Variants in MAD1L1 observed in about 807,000 individuals in gnomAD.
MAD1L1 encodes the protein mitotic spindle assembly checkpoint protein MAD1.
A neutral mutation model predicts 96.9 loss-of-function variants in MAD1L1; 95 were observed. That is an observed-to-expected ratio of 0.98 (90% confidence interval 0.83 to 1.16). The LOEUF (loss-of-function observed/expected upper bound fraction) is 1.16. Among genes scored for constraint, MAD1L1 ranks in the 50% most tolerant of loss-of-function variants. The probability of loss-of-function intolerance (pLI) is 0.00; values close to 1 mark genes in which losing one functional copy is unlikely to be tolerated. For missense variants in MAD1L1, 1,007 were observed against 954.4 expected (o/e 1.06, Z -0.73); for synonymous variants, 473 against 396.6 (o/e 1.19, Z -2.29).
chr7:1,897,987 G>A (rs1005148867), intron 18 of MAD1L1: 1 of 598,706 alleles, frequency 1.7e-6, no homozygotes, highest in Admixed American at 2.9e-5. Context: ...GCACCCAGGA[G>A]GTCCAGGGCT....
chr7:1,835,910 C>T (rs1782915992), intron 18 of MAD1L1, among the ~76,000 whole-genome samples: 1 of 152,208 alleles, frequency 6.6e-6, no homozygotes, highest in Non-Finnish European at 1.5e-5. Context: ...GGGGAAATTC[C>T]TGACATTGCC....
intron 9 of MAD1L1, among the ~76,000 whole-genome samples, chr7:2,213,688 C>T (rs537441299): frequency 2.2e-4 from 34 of 152,318 alleles, no homozygotes; most frequent in African/African-American, 8.2e-4. Context: ...CTGGAGCAGA[C>T]AGACTCAGTC....
chr7:2,145,137 C>T (rs1340652889), intron 11 of MAD1L1, among the ~76,000 whole-genome samples: 1 of 152,192 alleles, frequency 6.6e-6, no homozygotes, highest in Non-Finnish European at 1.5e-5. Flanking sequence ...CAGCCAGCCC[C>T]GGACCCTTCG....
chr7:2,222,987 A>G (rs75094777), intron 4 of MAD1L1, among the ~76,000 whole-genome samples: 2,711 of 152,336 alleles, frequency 0.018, 37 homozygotes, highest in Non-Finnish European at 0.028. Context: ...GCTCCCAGGA[A>G]GGGCACTTGG....
At chr7:1,893,123 G>A (rs1241481250) in intron 18 of MAD1L1, among the ~76,000 whole-genome samples, 1 of 152,200 alleles carries the variant, frequency 6.6e-6, no homozygotes, top group Non-Finnish European at 1.5e-5. Flanking sequence ...CCCCTCTCAG[G>A]AGGGAGAGGA....
chr7:2,150,952 C>G lies in MAD1L1; in HGVS notation c.987-1714G>C, dbSNP rs200947667. On this transcript the variant is annotated intron_variant, in intron 10 of 18. Coordinates refer to ENST00000265854, the MANE Select transcript of MAD1L1 (RefSeq NM_001013836.2). ...TCTGTCCTCACACACACAGGCAAACCGGGGTTAGAAAGCAGCTCCGTGGAA... is the reference window on the plus strand; with the variant it reads ...TCTGTCCTCACACACACAGGCAAACGGGGGTTAGAAAGCAGCTCCGTGGAA... 1.9e-4 allele frequency among the ~76,000 whole-genome samples: 29 copies of G among 152,324 alleles called. No individual in the cohort carries two copies. The East Asian group carries it at 5.6e-3, about 29-fold the overall frequency.
chr7:1,862,015 A>G (rs540127385), intron 18 of MAD1L1, among the ~76,000 whole-genome samples: 4 of 152,150 alleles, frequency 2.6e-5, no homozygotes, highest in Admixed American at 2.0e-4. Flanking sequence ...GGGGACGCAG[A>G]GTGACTAGAG....
intron 18 of MAD1L1, among the ~76,000 whole-genome samples, chr7:1,874,302 C>A (rs1583622640): frequency 6.6e-6 from 1 of 152,138 alleles, no homozygotes; most frequent in East Asian, 1.9e-4. Flanking sequence ...CACGGCCAGG[C>A]TGGGCCACAG....
intron 11 of MAD1L1, among the ~76,000 whole-genome samples, chr7:2,140,635 C>A (rs1442540378): frequency 6.6e-6 from 1 of 152,244 alleles, no homozygotes; most frequent in Non-Finnish European, 1.5e-5. Context: ...CAGCACGAGG[C>A]CAGGCCCCCG....
intron 15 of MAD1L1, among the ~76,000 whole-genome samples, chr7:1,964,647 C>A (rs773383050): frequency 1.3e-5 from 2 of 152,170 alleles, no homozygotes; most frequent in African/African-American, 2.4e-5. Flanking sequence ...ACACGAGGAG[C>A]GCTACATAAA....
At chr7:2,025,152 T>A (rs540966183) in intron 12 of MAD1L1, among the ~76,000 whole-genome samples, 1 of 152,246 alleles carries the variant, frequency 6.6e-6, no homozygotes, top group Non-Finnish European at 1.5e-5. Flanking sequence ...GAGAGCTCTA[T>A]GCTGTCTTCT....
chr7:2,037,726 G>A (rs1008430753), intron 12 of MAD1L1, among the ~76,000 whole-genome samples: 3 of 152,018 alleles, frequency 2.0e-5, no homozygotes, highest in Admixed American at 2.0e-4. Flanking sequence ...AAGCTTCACC[G>A]ACCAACGCTG....
chr7:2,026,281 A>G (rs951586640), intron 12 of MAD1L1, among the ~76,000 whole-genome samples: 1 of 152,230 alleles, frequency 6.6e-6, no homozygotes, highest in Non-Finnish European at 1.5e-5. Context: ...TTCACAATTT[A>G]TATGTGCCTA....
At position 2,082,566 on chromosome 7, in the gene MAD1L1, T is replaced by C. The variant is rs571603054; in HGVS notation, c.1074-13228A>G. Among the ~76,000 whole-genome samples the C allele has an allele frequency of 7.0e-4, 106 of 152,274 alleles. 2 individuals are homozygous for C. The South Asian group carries it at 0.021, about 30-fold the overall frequency. On this transcript the variant is annotated intron_variant, in intron 11 of 18. Coordinates refer to ENST00000265854, the MANE Select transcript of MAD1L1 (RefSeq NM_001013836.2). ...GGTCTGGTGTGGGAGTGCAGCACTC[T>C]AGAGAGGCAGCAGGCCAAGTGGAAG...
In MAD1L1 at chr7:2,225,553, G is replaced by A. The variant is rs775162493; in HGVS notation, c.151-3C>T. 14 of 1,612,988 alleles carry A rather than the reference G, an allele frequency of 8.7e-6. No individual in the cohort carries two copies. The East Asian group carries it at 2.7e-4, about 31-fold the overall frequency. On this transcript the variant is annotated splice_polypyrimidine_tract_variant and splice_region_variant and intron_variant, in intron 3 of 18. Transcript: ENST00000265854. ...ATCTGCTCTGCTCTTTCCTCCAGCT[G>A]AGCAGGTCGCACCCAAAGAAAAACA...
In MAD1L1 at chr7:2,178,845, T is replaced by C. The variant is rs1273819591; in HGVS notation, c.987-29607A>G. Reference sequence around the variant, plus strand: ...CCAGGAGACGGAGGTTGCAGTGAGCTGAGATCACATCACTGCACTTCAGCC... The same window carrying C: ...CCAGGAGACGGAGGTTGCAGTGAGCCGAGATCACATCACTGCACTTCAGCC... On this transcript the variant is annotated intron_variant, in intron 10 of 18. Transcript: ENST00000265854. 4.0e-5 allele frequency among the ~76,000 whole-genome samples: 6 copies of C among 148,716 alleles called. No homozygotes were observed. The East Asian group carries it at 1.2e-3, about 30-fold the overall frequency.
chr7:1,827,434 G>A (rs55651714), intron 18 of MAD1L1, among the ~76,000 whole-genome samples: 1 of 108,102 alleles, frequency 9.3e-6, no homozygotes, highest in Non-Finnish European at 2.0e-5. Flanking sequence ...TGAGCCCGTC[G>A]CGGGTGTGGG....
intron 17 of MAD1L1, among the ~76,000 whole-genome samples, chr7:1,908,460 T>C (rs10280993): frequency 0.45 from 68,355 of 151,682 alleles, 15,608 homozygotes; most frequent in Admixed American, 0.55. Context: ...TGGCTCACTG[T>C]AGCCTCGAAC....
At chr7:1,930,871 C>T (rs1789431171) in intron 17 of MAD1L1, among the ~76,000 whole-genome samples, 1 of 152,164 alleles carries the variant, frequency 6.6e-6, no homozygotes, top group African/African-American at 2.4e-5. Context: ...TCTCGTGACC[C>T]AGGAGACCCA....
Sources: gnomAD v4.1 joint callset for allele counts (sites outside exome capture counted in the v4.1 genomes callset) on GRCh38, gnomAD v4.1.1 for gene constraint, MANE v1.5 for transcripts, NCBI Gene and HGNC (gene_info 2026-07-23, HGNC 2026-07-21) for gene names.